The following CD46 variants were observed in gnomAD, a reference collection of about 807,000 sequenced individuals.
The protein encoded by CD46 is CD46 molecule, also known as membrane cofactor protein.
CD46 carries 30 observed loss-of-function variants against 53.3 expected under a neutral mutation model. The observed-to-expected ratio is 0.56, with a 90% CI of 0.42 to 0.76. The LOEUF (loss-of-function observed/expected upper bound fraction) is 0.76. Among genes scored for constraint, CD46 ranks in the 30% least tolerant of loss-of-function variants. The probability of loss-of-function intolerance (pLI) is 0.00; values close to 1 mark genes in which losing one functional copy is unlikely to be tolerated. For missense variants in CD46, 409 were observed against 463.0 expected (o/e 0.88, Z 1.07); for synonymous variants, 142 against 152.0 (o/e 0.93, Z 0.48).
intron 9 of CD46, among the ~76,000 whole-genome samples, chr1:207,784,662 C>T (rs908537748): frequency 2.0e-5 from 3 of 152,094 alleles, no homozygotes; most frequent in Non-Finnish European, 4.4e-5. Context: ...CAGTCTGAGA[C>T]CGGGTAATTT....
At chr1:207,783,399 T>C (rs907530487) in intron 9 of CD46, 69 bp downstream of exon 9, 7 of 906,566 alleles carry the variant, frequency 7.7e-6, no homozygotes, top group Middle Eastern at 2.2e-4. Context: ...TTAGTTTTTA[T>C]GAGGTGCCCA....
upstream of CD46, chr1:207,752,049 C>G (rs893942577): frequency 1.3e-6 from 1 of 761,234 alleles, no homozygotes; most frequent in Admixed American, 1.9e-5. The surrounding 1 kb of genome is among the most constrained non-coding windows in gnomAD (Gnocchi z 4.1). Context: ...ACTTCCGCCC[C>G]GGGCGCGGCT....
chr1:207,752,209 G>A lies in CD46; in HGVS notation c.-4G>A. 6.2e-7 allele frequency: 1 copy of A among 1,613,518 alleles called. No individual in the cohort carries two copies. Among genetic ancestry groups the A allele is most frequent in the Non-Finnish European group, 8.5e-7 (1 of 1,179,862 alleles). On this transcript the variant is annotated 5_prime_UTR_variant, in exon 1 of 13. Coordinates refer to ENST00000367042, the MANE Select transcript of CD46 (RefSeq NM_172351.3). This position sits in a 1 kb window ranked among gnomAD's most constrained non-coding sequence, Gnocchi z 4.1. ...GAGAAATAACAGCGTCTTCCGCGCCGCGCATGGAGCCTCCCGGCCGCCGCG... is the reference window on the plus strand; with the variant it reads ...GAGAAATAACAGCGTCTTCCGCGCCACGCATGGAGCCTCCCGGCCGCCGCG...
chr1:207,778,685 G>A (rs1013040038), intron 8 of CD46, among the ~76,000 whole-genome samples: 5 of 152,114 alleles, frequency 3.3e-5, no homozygotes, highest in South Asian at 4.1e-4. Flanking sequence ...TTTGGTTAGC[G>A]TAGCCTTGTA....
In CD46 at chr1:207,782,640, C is replaced by CTTTTTTTT. The variant is rs35546891; in HGVS notation, c.944-633_944-626dup. 8.5e-4 allele frequency among the ~76,000 whole-genome samples: 53 copies of CTTTTTTTT among 62,652 alleles called. 4 individuals carry two copies. The highest frequency in any genetic ancestry group is 3.6e-3 in the African/African-American group (51 of 14,282). The allele number at this position is 62,652 out of a possible 152,430, so 41.1% of individuals were successfully genotyped here. A position where few individuals can be genotyped will look rare whatever the true frequency, so the allele number is the denominator to read the frequency against. On this transcript the variant is annotated intron_variant, in intron 8 of 12. Transcript: ENST00000367042. ...AAAGCATTTATTTTTATTAATCCCT[C>CTTTTTTTT]TTTTTTTTTTTTTTTTTTTTTTTTT...
Position 207,757,579 on chromosome 1 carries a change from A to G in CD46, c.326A>G (p.Gln109Arg). Reference protein sequence around the residue: ...CPYIRDPLNGQAVPANGTYEF... With the variant: ...CPYIRDPLNGRAVPANGTYEF... ...TATATACGGGATCCTTTAAATGGCC[A>G]AGCAGTCCCTGCAAATGGGACTTAC... The change falls in exon 3 of 13, where the codon CAA becomes CGA. Residue 109 changes from glutamine to arginine, a missense_variant. Physicochemically the swap from Gln to Arg is conservative, Grantham distance 43. Coordinates refer to ENST00000367042, the MANE Select transcript of CD46 (RefSeq NM_172351.3). 1 of 1,611,582 alleles carries G rather than the reference A, an allele frequency of 6.2e-7. No individual in the cohort carries two copies. Among genetic ancestry groups the G allele is most frequent in the South Asian group, 1.1e-5 (1 of 90,666 alleles).
chr1:207,785,076 TG>T lies in CD46; in HGVS notation c.991del (p.Val331SerfsTer4). The T allele has an allele frequency of 6.2e-7, 1 of 1,613,034 alleles. No individual in the cohort carries two copies. The highest frequency in any genetic ancestry group is 8.5e-7 in the Non-Finnish European group (1 of 1,179,094). On this transcript the variant is annotated frameshift_variant, in exon 10 of 13. Transcript: ENST00000367042. LOFTEE classifies it high-confidence loss of function. ...GGAACTGTTTTCTTTCTCAGATGTT[TG>T]GGTCATTGCTGTGATTGTTATTGCC... is the stretch of plus-strand genomic sequence containing the variant. ...EEGILDSLDV[W>X]VIAVIVIAIV... is the part of the protein sequence containing the mutation.
intron 7 of CD46, chr1:207,769,430 C>G (rs1211252537): frequency 6.6e-6 from 1 of 152,160 alleles, no homozygotes; most frequent in Non-Finnish European, 1.5e-5. Context: ...GGGCTTAACT[C>G]ACATGCTCCT....
intron 9 of CD46, among the ~76,000 whole-genome samples, chr1:207,784,007 A>C (rs566612576): frequency 2.6e-5 from 4 of 152,230 alleles, no homozygotes; most frequent in African/African-American, 9.6e-5. Context: ...AGTTCTAAAA[A>C]TTAAGATTTT....
chr1:207,791,319 T>A (rs899668368), intron 12 of CD46, among the ~76,000 whole-genome samples: 24 of 152,208 alleles, frequency 1.6e-4, no homozygotes, highest in Admixed American at 3.9e-4. Context: ...TTAGGCACAG[T>A]AGGAGATTAA....
intron 1 of CD46, among the ~76,000 whole-genome samples, chr1:207,756,678 T>TA (rs1655579373): frequency 6.6e-6 from 1 of 152,140 alleles, no homozygotes; most frequent in Non-Finnish European, 1.5e-5. Flanking sequence ...GAAGACTTCT[T>TA]AGAGGAGAAG....
intron 5 of CD46, chr1:207,762,863 G>C (rs1656385055): frequency 6.6e-6 from 1 of 152,668 alleles, no homozygotes; most frequent in African/African-American, 2.4e-5. Flanking sequence ...GGAAGCCAGA[G>C]GGGGTGTGCC....
In CD46 at chr1:207,767,154, G is replaced by C. The variant is rs747869014; in HGVS notation, c.815G>C (p.Ser272Thr). 5.6e-6 allele frequency: 9 copies of C among 1,613,784 alleles called. No homozygotes were observed. In the South Asian group the frequency reaches 9.9e-5, roughly 18 times the overall value. ...GGCAGCGACACAATTGTCTGTGACA[G>C]TAACAGTACTTGGGATCCCCCAGTT... is the stretch of plus-strand genomic sequence containing the variant. ...LDGSDTIVCDSNSTWDPPVPK... is the reference protein window; with the variant it reads ...LDGSDTIVCDTNSTWDPPVPK... The change falls in exon 6 of 13, where the codon AGT (serine) becomes ACT (threonine). Residue 272 changes from serine to threonine, a missense_variant. Ser to Thr is a moderately conservative substitution (Grantham distance 58, BLOSUM62 1). Coordinates refer to ENST00000367042, the MANE Select transcript of CD46 (RefSeq NM_172351.3).
intron 11 of CD46, among the ~76,000 whole-genome samples, chr1:207,787,399 T>TAG (rs1654866561): frequency 6.6e-6 from 1 of 152,128 alleles, no homozygotes; most frequent in African/African-American, 2.4e-5. Context: ...GCTCAACAGT[T>TAG]ATCTGACTGT....
intron 5 of CD46, among the ~76,000 whole-genome samples, chr1:207,765,863 C>G (rs1461879758): frequency 6.6e-6 from 1 of 152,162 alleles, no homozygotes; most frequent in African/African-American, 2.4e-5. Flanking sequence ...ATGTTCACAG[C>G]AGCCTTATTC....
At chr1:207,754,409 A>G (rs1432869513) in intron 1 of CD46, among the ~76,000 whole-genome samples, 4 of 152,084 alleles carry the variant, frequency 2.6e-5, no homozygotes, top group African/African-American at 7.2e-5. Flanking sequence ...GGTTGAACAC[A>G]TACAACCCAG....
chr1:207,765,057 C>G (rs1656692116), intron 5 of CD46, among the ~76,000 whole-genome samples: 1 of 152,100 alleles, frequency 6.6e-6, no homozygotes, highest in South Asian at 2.1e-4. Flanking sequence ...AAAATATTAG[C>G]AAACCAAATC....
chr1:207,776,039 C>T (rs1658065878), intron 8 of CD46, among the ~76,000 whole-genome samples: 1 of 152,200 alleles, frequency 6.6e-6, no homozygotes, highest in African/African-American at 2.4e-5. Flanking sequence ...GCTTCCAGTT[C>T]TCTTTGTTTA....
At chr1:207,772,479 C>T (rs181248732) in intron 8 of CD46, among the ~76,000 whole-genome samples, 1 of 152,134 alleles carries the variant, frequency 6.6e-6, no homozygotes, top group African/African-American at 2.4e-5. Context: ...TGTCTTGTGC[C>T]GGTTTCCAAA....
Sources: allele counts gnomAD v4.1 joint callset (sites outside exome capture counted in the v4.1 genomes callset), GRCh38; gene constraint gnomAD v4.1.1; non-coding constraint Gnocchi (gnomAD v3.1); transcripts MANE v1.5; gene names NCBI Gene and HGNC (gene_info 2026-07-23, HGNC 2026-07-21).